The following TFDP1 variants were observed in gnomAD, a reference collection of about 807,000 sequenced individuals.
The protein encoded by TFDP1 is transcription factor Dp-1.
Under a neutral mutation model 48.0 loss-of-function variants are expected in TFDP1, and 6 were observed. The ratio of observed to expected loss-of-function variants is 0.13; its 90% CI spans 0.07 to 0.25. TFDP1 has a LOEUF of 0.25. TFDP1 is among the 10% of genes least tolerant of loss of function. TFDP1 has a pLI of 1.00. For synonymous variants in TFDP1, 201 were observed against 211.6 expected (o/e 0.95, Z 0.44); for missense variants, 335 against 543.0 (o/e 0.62, Z 3.81).
chr13:113,594,107 T>C (rs189502988), intron 2 of TFDP1, among the ~76,000 whole-genome samples: 273 of 122,490 alleles, frequency 2.2e-3, no homozygotes, highest in African/African-American at 8.6e-3. Flanking sequence ...GTGGTGTACG[T>C]GGGTCCTCAG....
At chr13:113,593,726 G>T (rs1320251322) in intron 2 of TFDP1, among the ~76,000 whole-genome samples, 1 of 141,162 alleles carries the variant, frequency 7.1e-6, no homozygotes, top group Non-Finnish European at 1.5e-5. Flanking sequence ...CCTCAGCCCT[G>T]CCCAGGTGAT....
rs866560800 is a variant in TFDP1, at chr13:113,626,080, G to T, written c.186+2794G>T. Among the ~76,000 whole-genome samples, 7 of 148,536 alleles carry T rather than the reference G, an allele frequency of 4.7e-5. No individual in the cohort carries two copies. The South Asian group carries it at 1.5e-3, about 32-fold the overall frequency. ...TCACATGTCCTCAGGTGTCTCTCAC[G>T]TGTCCTCAGGTGTTTCTCAGGTGTC... On this transcript the variant is annotated intron_variant, in intron 4 of 11. Coordinates refer to ENST00000375370, the MANE Select transcript of TFDP1 (RefSeq NM_007111.5).
chr13:113,592,787 G>C (rs2048176841), intron 2 of TFDP1, among the ~76,000 whole-genome samples: 1 of 152,148 alleles, frequency 6.6e-6, no homozygotes, highest in African/African-American at 2.4e-5. Flanking sequence ...CCAGGAGACA[G>C]TTGTGGTGTC....
intron 4 of TFDP1, among the ~76,000 whole-genome samples, chr13:113,626,754 A>G (rs1162184961): frequency 1.3e-5 from 2 of 152,332 alleles, no homozygotes; most frequent in East Asian, 3.9e-4. Flanking sequence ...TGCCATTTTG[A>G]TAAAAGCTAA....
At chr13:113,605,689 C>T (rs1431324131) in intron 2 of TFDP1, among the ~76,000 whole-genome samples, 2 of 152,234 alleles carry the variant, frequency 1.3e-5, no homozygotes, top group Non-Finnish European at 2.9e-5. Context: ...ATCCTCACAC[C>T]GTGGCACCAG....
rs2049398195 is a variant in TFDP1 at position 113,633,676 on chromosome 13, A to G, written c.475-214A>G. On this transcript the variant is annotated intron_variant, in intron 6 of 11. Coordinates refer to ENST00000375370, the MANE Select transcript of TFDP1 (RefSeq NM_007111.5). The surrounding 1 kb of genome is among the most constrained non-coding windows in gnomAD (Gnocchi z 4.5). ...CCTCACCAGCTGGGCTCGACACCCG[A>G]GAGCCCCCGGCTCTCCTTCTGGAAC... 6.6e-6 allele frequency among the ~76,000 whole-genome samples: 1 copy of G among 152,106 alleles called. No individual in the cohort carries two copies. Among genetic ancestry groups the G allele is most frequent in the African/African-American group, 2.4e-5 (1 of 41,426 alleles).
At chr13:113,622,968 G>A (rs980816145) in intron 3 of TFDP1, among the ~76,000 whole-genome samples, 25 of 152,386 alleles carry the variant, frequency 1.6e-4, no homozygotes, top group African/African-American at 5.8e-4. Flanking sequence ...CCTGGGTGGC[G>A]TCAGCGCGGC....
Position 113,627,600 on chromosome 13 carries a change from A to C in TFDP1, c.187-4023A>C, listed in dbSNP as rs1335118156. Among the ~76,000 whole-genome samples the C allele has an allele frequency of 6.6e-6, 1 of 152,160 alleles. No homozygotes were observed. Among genetic ancestry groups the C allele is most frequent in the Non-Finnish European group, 1.5e-5 (1 of 68,034 alleles). On this transcript the variant is annotated intron_variant, in intron 4 of 11. Coordinates refer to ENST00000375370, the MANE Select transcript of TFDP1 (RefSeq NM_007111.5). The surrounding 1 kb of genome is among the most constrained non-coding windows in gnomAD (Gnocchi z 4.1). ...TGAAATTAAGGTGCAAAAAGTGTGC[A>C]CTTAGGGCAGAAGGGATGCCTTAAA...
chr13:113,636,456 A>G, intron 9 of TFDP1, 78 bp from the exon 10 acceptor site: 1 of 1,516,544 alleles, frequency 6.6e-7, no homozygotes, highest in Middle Eastern at 2.4e-4. Context: ...TCAGCGGGTC[A>G]GCCGTCCTGG....
chr13:113,637,741 G>A lies in TFDP1; in HGVS notation c.1007-77G>A, dbSNP rs758158369. On this transcript the variant is annotated intron_variant, in intron 10 of 11. Transcript: ENST00000375370. Reference sequence around the variant, plus strand: ...AGCCGTCTGTCCTGTGGAACTGCGCGTCATTTTGTTGGTTGCCTGTGCGTC... The same window carrying A: ...AGCCGTCTGTCCTGTGGAACTGCGCATCATTTTGTTGGTTGCCTGTGCGTC... The A allele has an allele frequency of 1.7e-5, 27 of 1,612,748 alleles. No homozygotes were observed. The African/African-American group carries it at 2.4e-4, about 14-fold the overall frequency.
intron 2 of TFDP1, among the ~76,000 whole-genome samples, chr13:113,597,597 G>C (rs1486972772): frequency 6.6e-6 from 1 of 152,254 alleles, no homozygotes; most frequent in East Asian, 1.9e-4. Context: ...CCTCCCTACA[G>C]GGCAGTGAGG....
At chr13:113,638,476 A>G (rs755057894) in intron 11 of TFDP1, among the ~76,000 whole-genome samples, 1 of 150,968 alleles carries the variant, frequency 6.6e-6, no homozygotes, top group Non-Finnish European at 1.5e-5. Context: ...TGCTGCGATC[A>G]CAGTGCATGT....
At chr13:113,601,811 A>C (rs2048435965) in intron 2 of TFDP1, among the ~76,000 whole-genome samples, 4 of 152,208 alleles carry the variant, frequency 2.6e-5, no homozygotes, top group Non-Finnish European at 5.9e-5. Flanking sequence ...GAGCAGACAG[A>C]GTTACCCGCA....
intron 2 of TFDP1, among the ~76,000 whole-genome samples, chr13:113,588,042 G>A (rs1028154834): frequency 1.6e-4 from 24 of 152,046 alleles, no homozygotes; most frequent in African/African-American, 5.8e-4. Context: ...TAGACACGGG[G>A]TTTCACCATG....
chr13:113,636,260 TGGG>T, intron 9 of TFDP1, 132 bp downstream of exon 9: 1 of 1,284,608 alleles, frequency 7.8e-7, no homozygotes, highest in East Asian at 2.3e-5. Flanking sequence ...TGCTGTCCAT[TGGG>T]GGGTGGTGGG....
intron 2 of TFDP1, among the ~76,000 whole-genome samples, chr13:113,588,500 G>A (rs2048059426): frequency 2.0e-5 from 3 of 152,234 alleles, no homozygotes; most frequent in Admixed American, 2.0e-4. Context: ...TGTGAGTGAG[G>A]GGCAGAAAGA....
intron 2 of TFDP1, 69 bp downstream of exon 2, chr13:113,585,918 T>G (rs2047992255): frequency 3.3e-6 from 5 of 1,532,678 alleles, no homozygotes; most frequent in African/African-American, 1.4e-5. Context: ...GTTCTCTGCC[T>G]TTATTTCAGA....
chr13:113,615,466 C>T (rs552092741), intron 3 of TFDP1, among the ~76,000 whole-genome samples: 16 of 152,322 alleles, frequency 1.1e-4, no homozygotes, highest in African/African-American at 2.4e-4. Context: ...CAATCCTGCC[C>T]GGCCTGTGCC....
At chr13:113,593,165 C>A (rs2048189995) in intron 2 of TFDP1, among the ~76,000 whole-genome samples, 1 of 137,466 alleles carries the variant, frequency 7.3e-6, no homozygotes, top group African/African-American at 2.8e-5. Context: ...GTGTGTGGGT[C>A]CTCACCCTGC....
Sources: gnomAD v4.1 joint callset for allele counts (sites outside exome capture counted in the v4.1 genomes callset) on GRCh38, gnomAD v4.1.1 for gene constraint, Gnocchi (gnomAD v3.1) non-coding constraint, MANE v1.5 for transcripts, NCBI Gene and HGNC (gene_info 2026-07-23, HGNC 2026-07-21) for gene names.